The following TPPP variants were observed in gnomAD, a reference collection of about 807,000 sequenced individuals.
TPPP encodes the protein tubulin polymerization promoting protein.
In TPPP, 6 loss-of-function variants were observed where a neutral mutation model predicts 15.5. The observed-to-expected ratio is 0.39, with a 90% CI of 0.21 to 0.77. The LOEUF is 0.77. TPPP is among the 30% of genes least tolerant of loss of function. The pLI is 0.42. For missense variants in TPPP, 269 were observed against 307.2 expected, an observed-to-expected ratio of 0.88 and a Z score of 0.93; for synonymous variants, 146 against 133.9, an observed-to-expected ratio of 1.09 and a Z score of -0.63.
chr5:697,385 G>C (rs1005082298), upstream of TPPP, among the ~76,000 whole-genome samples: 9 of 150,516 alleles, frequency 6.0e-5, no homozygotes, highest in African/African-American at 2.2e-4. Context: ...AGGGAAGAAA[G>C]ATGCGGGGAC....
At chr5:694,371 T>C (rs2455368), upstream of TPPP, among the ~76,000 whole-genome samples, 56 of 112,748 alleles carry the variant, frequency 5.0e-4, no homozygotes, top group African/African-American at 1.5e-3. Flanking sequence ...GACTTTCAGC[T>C]GGACTCTTCC....
chr5:678,867 G>A (rs1740537362), intron 1 of TPPP, among the ~76,000 whole-genome samples: 1 of 152,206 alleles, frequency 6.6e-6, no homozygotes, highest in African/African-American at 2.4e-5. Flanking sequence ...GGGACGCAGG[G>A]CTACGCCACA....
At chr5:699,111 CA>C in the TPPP span, among the ~76,000 whole-genome samples, 5 of 152,004 alleles carry the variant, frequency 3.3e-5, 1 homozygote, top group East Asian at 9.7e-4. Context: ...AGACCCAACA[CA>C]ATCTCTATCA....
upstream of TPPP, among the ~76,000 whole-genome samples, chr5:696,687 G>T (rs1579205805): frequency 2.5e-5 from 2 of 80,068 alleles, 1 homozygote; most frequent in South Asian, 8.6e-4. Context: ...GTCCTTGGCA[G>T]CTTAGGGAAA....
intron 1 of TPPP, among the ~76,000 whole-genome samples, chr5:678,465 C>T (rs1219101213): frequency 4.2e-5 from 6 of 144,528 alleles, no homozygotes; most frequent in Non-Finnish European, 5.9e-5. Context: ...CACTGTCCCT[C>T]CTGTGGACGC....
rs145705783 is a variant in TPPP at position 665,083 on chromosome 5, G to T, written c.*19C>A. ...CTGCTCTGGGGACACCGGCAGTGCC[G>T]CGAGGCATGGAGCGGGGGCTACTTG... On this transcript the variant is annotated 3_prime_UTR_variant, in exon 4 of 4. Transcript: ENST00000360578. 216 of 1,602,622 alleles carry T rather than the reference G, an allele frequency of 1.3e-4. 1 individual carries two copies. In the African/African-American group the frequency reaches 2.5e-3, roughly 19 times the overall value.
chr5:675,402 C>T (rs1426033864), intron 2 of TPPP, among the ~76,000 whole-genome samples: 1 of 97,216 alleles, frequency 1.0e-5, no homozygotes, highest in Non-Finnish European at 2.0e-5. Context: ...TGCAGTGTGG[C>T]CAGGGGTGCA....
chr5:674,782 G>T (rs1283470446), intron 2 of TPPP, among the ~76,000 whole-genome samples: 8 of 151,746 alleles, frequency 5.3e-5, no homozygotes, highest in African/African-American at 1.7e-4. Context: ...CAGGTTTCCA[G>T]CAGGGGACAG....
Position 661,597 on chromosome 5 carries a change from AC to A in TPPP, c.*3504del. Reference sequence around the variant, plus strand: ...TAAAAACATGCAGAAGAGAACACACACCTGCCTGAATTCACAATATTCAGAA... The same window carrying A: ...TAAAAACATGCAGAAGAGAACACACACTGCCTGAATTCACAATATTCAGAA... On this transcript the variant is annotated 3_prime_UTR_variant, in exon 4 of 4. Coordinates refer to ENST00000360578, the MANE Select transcript of TPPP (RefSeq NM_007030.3). The A allele has an allele frequency of 6.6e-6, 1 of 152,446 alleles. No homozygotes were observed. The highest frequency in any genetic ancestry group is 1.5e-5 in the Non-Finnish European group (1 of 68,082). The allele number at this position is 152,446 out of a possible 1,614,324, so 9.4% of individuals were successfully genotyped here.
In TPPP at chr5:664,739, C is replaced by T. The variant is rs149780266; in HGVS notation, c.*363G>A. 3.7e-3 allele frequency: 840 copies of T among 229,312 alleles called. 9 individuals carry two copies. Among genetic ancestry groups the T allele is most frequent in the African/African-American group, 0.017 (738 of 44,044 alleles). The allele number at this position is 229,312 out of a possible 1,614,324, so 14.2% of individuals were successfully genotyped here. ...CAGGGCTCCTGGAAGGTGTCTGCCGCTCAGGAGGTCAGCACAGCCTCCTGT... is the reference window on the plus strand; with the variant it reads ...CAGGGCTCCTGGAAGGTGTCTGCCGTTCAGGAGGTCAGCACAGCCTCCTGT... On this transcript the variant is annotated 3_prime_UTR_variant, in exon 4 of 4. Coordinates refer to ENST00000360578, the MANE Select transcript of TPPP (RefSeq NM_007030.3).
At chr5:696,616 CG>C (rs1469013186), upstream of TPPP, among the ~76,000 whole-genome samples, 2 of 120,114 alleles carry the variant, frequency 1.7e-5, no homozygotes, top group African/African-American at 5.6e-5. Context: ...GAAGTAACGA[CG>C]TGCCTGCCTG....
Position 664,893 on chromosome 5 carries a change from T to C in TPPP, c.*209A>G, listed in dbSNP as rs1561079137. The C allele has an allele frequency of 5.0e-6, 3 of 595,836 alleles. No individual in the cohort carries two copies. Among genetic ancestry groups the C allele is most frequent in the Admixed American group, 3.1e-5 (1 of 32,462 alleles). 36.9% of individuals were successfully genotyped at this position (595,836 alleles called of 1,614,324 possible). A position where few individuals can be genotyped will look rare whatever the true frequency, so the allele number is the denominator to read the frequency against. On this transcript the variant is annotated 3_prime_UTR_variant, in exon 4 of 4. Coordinates refer to ENST00000360578, the MANE Select transcript of TPPP (RefSeq NM_007030.3). ...AGGTGTATTAGGAGGGTCAGCGAAC[T>C]GGGGCCCAAACCTGGTTTGAGAGGG...
chr5:675,536 G>GTTAC (rs1740400699), intron 2 of TPPP, among the ~76,000 whole-genome samples: 1 of 130,022 alleles, frequency 7.7e-6, no homozygotes, highest in African/African-American at 2.7e-5. Flanking sequence ...TGTGGCCGGG[G>GTTAC]ATGCCGTGTG....
chr5:693,850 A>G (rs1162943357), upstream of TPPP, among the ~76,000 whole-genome samples: 1 of 149,494 alleles, frequency 6.7e-6, no homozygotes, highest in Non-Finnish European at 1.5e-5. Flanking sequence ...CAGACGGTGC[A>G]GGGAAGCGGC....
chr5:672,364 A>G (rs1368653308), intron 2 of TPPP, among the ~76,000 whole-genome samples: 5 of 152,224 alleles, frequency 3.3e-5, no homozygotes, highest in African/African-American at 4.8e-5. Context: ...GCCACCACCC[A>G]GTATCCACCC....
chr5:669,884 C>T (rs562819534), intron 2 of TPPP, among the ~76,000 whole-genome samples: 25 of 152,242 alleles, frequency 1.6e-4, no homozygotes, highest in African/African-American at 4.6e-4. Flanking sequence ...TCTGGCTGCC[C>T]GGCTCTCCTG....
chr5:697,927 A>G (rs1284211307), upstream of TPPP, among the ~76,000 whole-genome samples: 5 of 144,004 alleles, frequency 3.5e-5, no homozygotes, highest in Admixed American at 7.1e-5. Context: ...TAGATGCAAA[A>G]ATCCTCAACG....
At chr5:673,073 T>C (rs1740279078) in intron 2 of TPPP, among the ~76,000 whole-genome samples, 1 of 152,114 alleles carries the variant, frequency 6.6e-6, no homozygotes, top group Non-Finnish European at 1.5e-5. Context: ...CGAAGGCCAC[T>C]TCCTCACGGT....
chr5:669,462 G>A (rs910803746), intron 2 of TPPP, among the ~76,000 whole-genome samples: 1 of 152,122 alleles, frequency 6.6e-6, no homozygotes, highest in African/African-American at 2.4e-5. Context: ...GGGCCCTGTG[G>A]GGGTGTTGAC....
Sources: gnomAD v4.1 joint callset for allele counts (sites outside exome capture counted in the v4.1 genomes callset) on GRCh38, gnomAD v4.1.1 for gene constraint, MANE v1.5 for transcripts, NCBI Gene and HGNC (gene_info 2026-07-23, HGNC 2026-07-21) for gene names.